Variants in SLC13A1 observed in about 807,000 individuals in gnomAD.
The protein encoded by SLC13A1 is Na(+)/sulfate cotransporter.
Under a neutral mutation model 70.0 loss-of-function variants are expected in SLC13A1, and 65 were observed. The observed-to-expected ratio is 0.93, with a 90% CI of 0.76 to 1.14. SLC13A1 has a LOEUF of 1.14. Ranked by LOEUF, SLC13A1 falls within the 50% of genes most tolerant of loss-of-function variation. The pLI is 0.00. For synonymous variants in SLC13A1, 275 were observed against 250.5 expected (o/e 1.10, Z -0.92); for missense variants, 726 against 717.8 (o/e 1.01, Z -0.13).
intron 6 of SLC13A1, among the ~76,000 whole-genome samples, chr7:123,164,954 T>C (rs1040605450): frequency 2.0e-5 from 3 of 152,038 alleles, no homozygotes; most frequent in Non-Finnish European, 4.4e-5. Flanking sequence ...CCACAGGATT[T>C]ATTTTAATTC....
chr7:123,158,086 A>G (rs897576841), intron 6 of SLC13A1, among the ~76,000 whole-genome samples: 1 of 151,624 alleles, frequency 6.6e-6, no homozygotes, highest in Non-Finnish European at 1.5e-5. Flanking sequence ...CATAGTAACT[A>G]AAAAAAAATT....
chr7:123,190,377 G>A, intron 1 of SLC13A1: 1 of 333,888 alleles, frequency 3.0e-6, no homozygotes, highest in South Asian at 2.4e-5. Context: ...TACCTCAGAT[G>A]CAACTTTCAT....
chr7:123,184,769 G>C (rs1055284034), intron 1 of SLC13A1, among the ~76,000 whole-genome samples: 2 of 151,976 alleles, frequency 1.3e-5, no homozygotes, highest in Admixed American at 1.3e-4. Context: ...TGTGACTAGT[G>C]CAGCAATAAA....
At chr7:123,174,219 A>G (rs1207644114) in intron 2 of SLC13A1, among the ~76,000 whole-genome samples, 1 of 151,954 alleles carries the variant, frequency 6.6e-6, no homozygotes, top group African/African-American at 2.4e-5. Context: ...ATGAATGTAG[A>G]CTACACCAAG....
intron 8 of SLC13A1, among the ~76,000 whole-genome samples, chr7:123,131,448 G>A (rs572637247): frequency 6.6e-6 from 1 of 152,226 alleles, no homozygotes; most frequent in South Asian, 2.1e-4. Flanking sequence ...AAGCCAAATT[G>A]GCATTGCTAC....
intron 7 of SLC13A1, among the ~76,000 whole-genome samples, chr7:123,135,438 T>C (rs1402994077): frequency 6.6e-6 from 1 of 152,002 alleles, no homozygotes; most frequent in East Asian, 1.9e-4. Context: ...AGCAATAACA[T>C]AAAGATAAAT....
At chr7:123,142,735 A>G (rs1381188794) in intron 7 of SLC13A1, among the ~76,000 whole-genome samples, 1 of 149,978 alleles carries the variant, frequency 6.7e-6, no homozygotes, top group Non-Finnish European at 1.5e-5. Context: ...CTCCTGCCTC[A>G]GCCTCCTGAG....
At chr7:123,137,049 C>T (rs150877776) in intron 7 of SLC13A1, among the ~76,000 whole-genome samples, 5 of 152,016 alleles carry the variant, frequency 3.3e-5, no homozygotes, top group African/African-American at 4.8e-5. Context: ...GTAGCCAGTC[C>T]GAAAGTATGC....
In SLC13A1 at chr7:123,151,388, A is replaced by G. The variant is rs188526823; in HGVS notation, c.661-4078T>C. ...TATATGTGTGTGTGTGTGTGTGTGT[A>G]TATATATATATATATGTATATGTAT... is the stretch of plus-strand genomic sequence containing the variant. On this transcript the variant is annotated intron_variant, in intron 6 of 14. Coordinates refer to ENST00000194130, the MANE Select transcript of SLC13A1 (RefSeq NM_022444.4). 7.3e-3 allele frequency among the ~76,000 whole-genome samples: 477 copies of G among 65,340 alleles called. 2 individuals carry two copies. The highest frequency in any genetic ancestry group is 0.016 in the Middle Eastern group (2 of 128). 42.9% of individuals were successfully genotyped at this position (65,340 alleles called of 152,430 possible).
chr7:123,161,328 TAA>T (rs1794889257), intron 6 of SLC13A1, among the ~76,000 whole-genome samples: 1 of 151,434 alleles, frequency 6.6e-6, no homozygotes, highest in East Asian at 1.9e-4. Flanking sequence ...ATGTTAGAAA[TAA>T]AGACATATAA....
chr7:123,153,542 G>A (rs1244073008), intron 6 of SLC13A1, among the ~76,000 whole-genome samples: 2 of 151,960 alleles, frequency 1.3e-5, no homozygotes, highest in Non-Finnish European at 2.9e-5. Context: ...GAAGTAAAGG[G>A]TAAAGCATGA....
In SLC13A1 at chr7:123,162,848, C is replaced by T. The variant is rs1212919233; in HGVS notation, c.660+5526G>A. Among the ~76,000 whole-genome samples, 3 of 152,038 alleles carry T rather than the reference C, an allele frequency of 2.0e-5. No homozygotes were observed. In the East Asian group the frequency reaches 5.8e-4, roughly 29 times the overall value. On this transcript the variant is annotated intron_variant, in intron 6 of 14. Coordinates refer to ENST00000194130, the MANE Select transcript of SLC13A1 (RefSeq NM_022444.4). Reference sequence around the variant, plus strand: ...TTTTCACCCCTAAACTAAACAATACCTAATTAAAAGCAAGATGTAATTTAT... The same window carrying T: ...TTTTCACCCCTAAACTAAACAATACTTAATTAAAAGCAAGATGTAATTTAT...
chr7:123,196,606 C>G (rs1796192874), intron 1 of SLC13A1, among the ~76,000 whole-genome samples: 1 of 152,066 alleles, frequency 6.6e-6, no homozygotes, highest in East Asian at 1.9e-4. Context: ...AACTGGGGCT[C>G]TGGGACACCC....
chr7:123,199,423 T>C (rs1050081386), intron 1 of SLC13A1, among the ~76,000 whole-genome samples: 1 of 152,052 alleles, frequency 6.6e-6, no homozygotes, highest in Non-Finnish European at 1.5e-5. Context: ...AGAAGTAAAT[T>C]AGTCTGTGCT....
chr7:123,119,314 A>T, intron 12 of SLC13A1, 72 bp from the exon 13 acceptor site: 1 of 1,041,794 alleles, frequency 9.6e-7, no homozygotes, highest in Non-Finnish European at 1.4e-6. Context: ...AAATCCATAA[A>T]AAAACATTAT....
At chr7:123,193,217 T>G (rs1201248855) in intron 1 of SLC13A1, among the ~76,000 whole-genome samples, 1 of 152,186 alleles carries the variant, frequency 6.6e-6, no homozygotes, top group African/African-American at 2.4e-5. Flanking sequence ...ATTAAGAGTT[T>G]ATGATTTTAC....
chr7:123,198,995 A>G (rs192282508), intron 1 of SLC13A1, among the ~76,000 whole-genome samples: 255 of 152,224 alleles, frequency 1.7e-3, no homozygotes, highest in African/African-American at 5.6e-3. Flanking sequence ...CATATGAGAA[A>G]ACAGAAGCAC....
chr7:123,177,988 T>TA (rs1795505003), intron 2 of SLC13A1, among the ~76,000 whole-genome samples: 1 of 151,320 alleles, frequency 6.6e-6, no homozygotes, highest in African/African-American at 2.4e-5. Context: ...ACTGAGTAAA[T>TA]ACATAACATA....
At chr7:123,120,245 A>G (rs1480834103) in intron 12 of SLC13A1, among the ~76,000 whole-genome samples, 1 of 151,830 alleles carries the variant, frequency 6.6e-6, no homozygotes, top group African/African-American at 2.4e-5. Flanking sequence ...GCATTGGGGG[A>G]GCACTTCCTT....
Sources: gnomAD v4.1 joint callset for allele counts (sites outside exome capture counted in the v4.1 genomes callset) on GRCh38, gnomAD v4.1.1 for gene constraint, MANE v1.5 for transcripts, NCBI Gene and HGNC (gene_info 2026-07-23, HGNC 2026-07-21) for gene names.